The following SHISA9 variants were observed in gnomAD, a reference collection of about 807,000 sequenced individuals.
SHISA9 encodes the protein shisa family member 9, also known as protein shisa-9.
Under a neutral mutation model 38.0 loss-of-function variants are expected in SHISA9, and 13 were observed. The ratio of observed to expected loss-of-function variants is 0.34; its 90% CI spans 0.22 to 0.54. The LOEUF is 0.54. Ranked by LOEUF, SHISA9 falls within the 20% of genes least tolerant of loss-of-function variation. SHISA9 has a pLI of 0.91. For missense variants in SHISA9, 538 were observed against 575.8 expected, an observed-to-expected ratio of 0.93 and a Z score of 0.67; for synonymous variants, 275 against 242.0, an observed-to-expected ratio of 1.14 and a Z score of -1.27.
the SHISA9 span, among the ~76,000 whole-genome samples, chr16:13,461,048 A>G: frequency 6.6e-6 from 1 of 152,236 alleles, no homozygotes; most frequent in Admixed American, 6.5e-5. Context: ...AATAGACAAC[A>G]TATCAACGAG....
the SHISA9 span, among the ~76,000 whole-genome samples, chr16:13,391,508 C>T: frequency 1.3e-5 from 2 of 152,190 alleles, no homozygotes; most frequent in African/African-American, 2.4e-5. Flanking sequence ...CGAATCTATG[C>T]CGTGCCATCT....
At chr16:13,266,298 A>G in the SHISA9 span, among the ~76,000 whole-genome samples, 2 of 152,108 alleles carry the variant, frequency 1.3e-5, no homozygotes, top group Non-Finnish European at 2.9e-5. Context: ...TTTCTTTATT[A>G]CCCTTTCCTA....
At chr16:13,520,338 G>A in the SHISA9 span, among the ~76,000 whole-genome samples, 34 of 152,166 alleles carry the variant, frequency 2.2e-4, no homozygotes, top group African/African-American at 7.7e-4. Context: ...GGTGGCTCAC[G>A]CCTGTAATCC....
At chr16:13,313,247 T>TC in the SHISA9 span, among the ~76,000 whole-genome samples, 1 of 70,274 alleles carries the variant, frequency 1.4e-5, no homozygotes, top group Non-Finnish European at 2.9e-5. Flanking sequence ...AGAGCGAGAC[T>TC]CCGTCTCAAA....
chr16:12,905,087 T>A (rs2071075053), intron 1 of SHISA9, among the ~76,000 whole-genome samples: 1 of 152,168 alleles, frequency 6.6e-6, no homozygotes, highest in East Asian at 1.9e-4. Flanking sequence ...GAAAAGGAAC[T>A]AATGCCTGCT....
intron 2 of SHISA9, among the ~76,000 whole-genome samples, chr16:13,121,966 A>G (rs1020167218): frequency 6.6e-6 from 1 of 151,902 alleles, no homozygotes; most frequent in Non-Finnish European, 1.5e-5. Flanking sequence ...AATAAAAGCA[A>G]TCCCGTGAGG....
At chr16:13,555,225 CT>C in the SHISA9 span, among the ~76,000 whole-genome samples, 1 of 152,146 alleles carries the variant, frequency 6.6e-6, no homozygotes, top group East Asian at 1.9e-4. Flanking sequence ...ATCATAAGCA[CT>C]TTATAAATTT....
chr16:13,093,210 T>A (rs1350318658), intron 2 of SHISA9, among the ~76,000 whole-genome samples: 1 of 152,158 alleles, frequency 6.6e-6, no homozygotes, highest in Non-Finnish European at 1.5e-5. Flanking sequence ...CCCAGGGCTT[T>A]ACTTCAACCT....
chr16:13,137,051 G>A (rs913568042), intron 2 of SHISA9, among the ~76,000 whole-genome samples: 2 of 152,314 alleles, frequency 1.3e-5, no homozygotes, highest in East Asian at 3.9e-4. Flanking sequence ...ATACCACCTT[G>A]CATTCTCCAT....
At chr16:13,039,653 G>A (rs2073112383) in intron 2 of SHISA9, among the ~76,000 whole-genome samples, 1 of 152,250 alleles carries the variant, frequency 6.6e-6, no homozygotes, top group Non-Finnish European at 1.5e-5. Context: ...TAAACAGTGT[G>A]GCATTAACTA....
chr16:13,470,148 C>T, the SHISA9 span, among the ~76,000 whole-genome samples: 1 of 152,026 alleles, frequency 6.6e-6, no homozygotes, highest in Non-Finnish European at 1.5e-5. Context: ...AGAAAAGTTG[C>T]CTCTCAGAAT....
rs2051376896 is a variant in SHISA9, at chr16:13,235,677, G to A, written c.*268G>A. On this transcript the variant is annotated 3_prime_UTR_variant, in exon 5 of 5. Coordinates refer to ENST00000558583, the MANE Select transcript of SHISA9 (RefSeq NM_001145204.3). Reference sequence around the variant, plus strand: ...ATGAGGCACACTCTTTCCACTTCAGGCCCAAGATGGCCAACTCACATGCCC... The same window carrying A: ...ATGAGGCACACTCTTTCCACTTCAGACCCAAGATGGCCAACTCACATGCCC... The A allele has an allele frequency of 2.3e-6, 1 of 438,022 alleles. No individual in the cohort carries two copies. Among genetic ancestry groups the A allele is most frequent in the South Asian group, 5.3e-5 (1 of 18,812 alleles). 27.1% of individuals were successfully genotyped at this position (438,022 alleles called of 1,614,324 possible).
At chr16:13,029,402 T>A (rs2072964128) in intron 2 of SHISA9, among the ~76,000 whole-genome samples, 1 of 152,224 alleles carries the variant, frequency 6.6e-6, no homozygotes, top group African/African-American at 2.4e-5. Flanking sequence ...ACTCAGGAGT[T>A]TGAGACTGGC....
the SHISA9 span, among the ~76,000 whole-genome samples, chr16:13,466,712 C>G: frequency 6.6e-6 from 1 of 152,148 alleles, no homozygotes; most frequent in Non-Finnish European, 1.5e-5. Context: ...ATATGTTAAG[C>G]AAATATCTTT....
chr16:13,434,417 A>ATTTTTTTTTTTTTTTTTTTTT, the SHISA9 span, among the ~76,000 whole-genome samples: 1 of 41,796 alleles, frequency 2.4e-5, no homozygotes, highest in East Asian at 1.1e-3. Flanking sequence ...TAGACAAGCT[A>ATTTTTTTTTTTTTTTTTTTTT]TGTTTTTTTT....
the SHISA9 span, among the ~76,000 whole-genome samples, chr16:13,252,280 AC>A: frequency 6.6e-6 from 1 of 152,082 alleles, no homozygotes; most frequent in Non-Finnish European, 1.5e-5. Flanking sequence ...TTGTCCATCA[AC>A]TGGGACAATG....
rs145414994 is a variant in SHISA9, at chr16:13,089,204, A to C, written c.692-114190A>C. Among the ~76,000 whole-genome samples the C allele has an allele frequency of 4.9e-3, 746 of 152,364 alleles. 7 individuals carry two copies. Among genetic ancestry groups the C allele is most frequent in the African/African-American group, 0.016 (648 of 41,588 alleles). On this transcript the variant is annotated intron_variant, in intron 2 of 4. Transcript: ENST00000558583. ...GATGTGCTGCTGAATTTGGTTTGCC[A>C]GTATTTTATTGAGGATTTACGCATT... is the stretch of plus-strand genomic sequence containing the variant.
At chr16:13,149,690 T>C (rs1050714709) in intron 2 of SHISA9, among the ~76,000 whole-genome samples, 2 of 151,932 alleles carry the variant, frequency 1.3e-5, no homozygotes, top group East Asian at 3.9e-4. Context: ...TTTGGGAGGC[T>C]AAGGCAGGTG....
intron 2 of SHISA9, among the ~76,000 whole-genome samples, chr16:13,044,366 T>C (rs1319236290): frequency 6.6e-6 from 1 of 152,234 alleles, no homozygotes; most frequent in East Asian, 1.9e-4. Context: ...ACTTACTTGT[T>C]CTCTGACCTT....
Sources: allele counts gnomAD v4.1 joint callset (sites outside exome capture counted in the v4.1 genomes callset), GRCh38; gene constraint gnomAD v4.1.1; transcripts MANE v1.5; gene names NCBI Gene and HGNC (gene_info 2026-07-23, HGNC 2026-07-21).